Variants in FIG4 observed in about 807,000 individuals in gnomAD.
FIG4 encodes polyphosphoinositide phosphatase.
A neutral mutation model predicts 118.6 loss-of-function variants in FIG4; 112 were observed. That is an observed-to-expected ratio of 0.94 (90% CI 0.81 to 1.11). The LOEUF is 1.11. Ranked by LOEUF, FIG4 falls within the 50% of genes least tolerant of loss-of-function variation. The probability of loss-of-function intolerance (pLI) is 0.00; values close to 1 mark genes in which losing one functional copy is unlikely to be tolerated. For missense variants in FIG4, 969 were observed against 1,111.7 expected, an observed-to-expected ratio of 0.87 and a Z score of 1.83; for synonymous variants, 369 against 381.2, an observed-to-expected ratio of 0.97 and a Z score of 0.37.
At chr6:109,809,861 A>G (rs540716392) in intron 22 of FIG4, among the ~76,000 whole-genome samples, 1 of 152,318 alleles carries the variant, frequency 6.6e-6, no homozygotes, top group East Asian at 1.9e-4. Flanking sequence ...AAGATTGCAG[A>G]TGGGCAAGCT....
intron 10 of FIG4, among the ~76,000 whole-genome samples, chr6:109,749,417 T>C (rs1776616916): frequency 6.6e-6 from 1 of 152,022 alleles, no homozygotes; most frequent in African/African-American, 2.4e-5. Context: ...ATTTAAAATA[T>C]GAAAACTTTA....
At position 109,789,653 on chromosome 6, in the gene FIG4, A is replaced by C; in HGVS notation, c.2156A>C (p.Asp719Ala). 6.2e-7 allele frequency: 1 copy of C among 1,613,200 alleles called. No individual in the cohort carries two copies. Among genetic ancestry groups the C allele is most frequent in the Non-Finnish European group, 8.5e-7 (1 of 1,179,234 alleles). ...AGTCCATTTACTGTGCGTAAACCAG[A>C]TGAAACTGGAAAATCAGTATTGGGG... ...DPSPFTVRKP[D>A]ETGKSVLGNK... The change falls in exon 19 of 23, where the codon GAT becomes GCT. Residue 719 changes from aspartate (D) to alanine (A), a missense_variant. This residue lies in a region of FIG4 where 330 missense variants were observed against 348.1 expected (regional missense o/e 0.95). Coordinates refer to ENST00000230124, the MANE Select transcript of FIG4 (RefSeq NM_014845.6).
intron 4 of FIG4, among the ~76,000 whole-genome samples, chr6:109,731,435 C>T (rs905043055): frequency 2.6e-5 from 4 of 152,034 alleles, no homozygotes; most frequent in African/African-American, 9.7e-5. Context: ...TAGGAAGAAC[C>T]TAATGGTCTA....
At chr6:109,806,787 G>C (rs6935696) in intron 22 of FIG4, among the ~76,000 whole-genome samples, 13,853 of 151,406 alleles carry the variant, frequency 0.091, 1,376 homozygotes, top group African/African-American at 0.25. Context: ...TCCCCAACCC[G>C]CAACAGGCCC....
chr6:109,707,702 C>A (rs1048506502), intron 1 of FIG4, among the ~76,000 whole-genome samples: 1 of 151,786 alleles, frequency 6.6e-6, no homozygotes, highest in Admixed American at 6.6e-5. Context: ...CCTTTAATAT[C>A]GAAAGACTTG....
At position 109,791,415 on chromosome 6, in the gene FIG4, A is replaced by G. The variant is rs1220987577; in HGVS notation, c.2220A>G (p.Lys740=). 6.2e-7 allele frequency: 1 copy of G among 1,613,590 alleles called. No individual in the cohort carries two copies. Among genetic ancestry groups the G allele is most frequent in the South Asian group, 1.1e-5 (1 of 91,088 alleles). ...GAGAAGAAGCTGTATTACAGCGGAA[A>G]ACGGCAGCCAGCGCCCCGCCGCCCC... ...SNREEAVLQR[K]TAASAPPPPS... is the part of the protein sequence containing the mutation. Residue 740 remains lysine (K), a synonymous_variant, in exon 20 of 23, where the codon AAA becomes AAG. Transcript: ENST00000230124.
chr6:109,716,483 C>A lies in FIG4; in HGVS notation c.204C>A (p.Gly68=). The A allele has an allele frequency of 6.2e-7, 1 of 1,613,690 alleles. No homozygotes were observed. The highest frequency in any genetic ancestry group is 8.5e-7 in the Non-Finnish European group (1 of 1,179,656). The part of the protein sequence containing the change: ...YTQQEVRELL[G]RLDLGNRTKM... ...AACAAGAAGTAAGGGAACTTCTTGG[C>A]CGCTTGGATCTTGGAAATAGAACAA... Residue 68 remains glycine (G), a synonymous_variant, in exon 3 of 23, where the codon GGC becomes GGA. Transcript: ENST00000230124.
At chr6:109,762,443 G>A (rs1406902555) in intron 12 of FIG4, among the ~76,000 whole-genome samples, 1 of 151,492 alleles carries the variant, frequency 6.6e-6, no homozygotes, top group Non-Finnish European at 1.5e-5. Flanking sequence ...TAGAACAAAT[G>A]TTACATAAAA....
chr6:109,751,215 G>A (rs770741122), intron 10 of FIG4, among the ~76,000 whole-genome samples: 12 of 152,168 alleles, frequency 7.9e-5, no homozygotes, highest in Non-Finnish European at 1.0e-4. Context: ...GTGAAGGCTT[G>A]ATCAGGGTGA....
intron 1 of FIG4, among the ~76,000 whole-genome samples, chr6:109,713,724 A>C (rs1775342301): frequency 6.6e-6 from 1 of 152,090 alleles, no homozygotes; most frequent in South Asian, 2.1e-4. Context: ...AGCCTGCGGG[A>C]AGCTGCAGTG....
chr6:109,707,852 AAT>A (rs1468111743), intron 1 of FIG4, among the ~76,000 whole-genome samples: 1 of 152,102 alleles, frequency 6.6e-6, no homozygotes, highest in African/African-American at 2.4e-5. Flanking sequence ...TTTGAAGCGA[AAT>A]ATCTTTATTT....
intron 21 of FIG4, among the ~76,000 whole-genome samples, chr6:109,793,893 A>G (rs1189820371): frequency 2.6e-5 from 4 of 152,146 alleles, no homozygotes; most frequent in Admixed American, 6.5e-5. Flanking sequence ...GCACAGCCAC[A>G]CCCTCCTCAC....
At chr6:109,765,410 T>G (rs1355419409) in intron 14 of FIG4, among the ~76,000 whole-genome samples, 1 of 152,206 alleles carries the variant, frequency 6.6e-6, no homozygotes, top group Non-Finnish European at 1.5e-5. Flanking sequence ...GGGTTCAGTT[T>G]CATTCTTCAG....
At chr6:109,744,477 A>C (rs1776421162) in intron 10 of FIG4, among the ~76,000 whole-genome samples, 1 of 152,028 alleles carries the variant, frequency 6.6e-6, no homozygotes, top group Non-Finnish European at 1.5e-5. Flanking sequence ...TGAGAGTATG[A>C]AAAGCAAGGG....
intron 10 of FIG4, among the ~76,000 whole-genome samples, chr6:109,753,131 C>G (rs1352206920): frequency 6.6e-6 from 1 of 152,082 alleles, no homozygotes; most frequent in Non-Finnish European, 1.5e-5. Flanking sequence ...TCAGATTTGT[C>G]AAAGATCAGA....
intron 3 of FIG4, 117 bp downstream of exon 3, chr6:109,716,685 CTTTGGTTATTTAAAACTTCA>C: frequency 8.0e-7 from 1 of 1,245,716 alleles, no homozygotes; most frequent in Non-Finnish European, 1.2e-6. Flanking sequence ...TTACCTGTAG[CTTTGGTTATTTAAAACTTCA>C]TTATCCATCA....
At chr6:109,735,577 A>G (rs530566795) in intron 6 of FIG4, among the ~76,000 whole-genome samples, 4 of 152,222 alleles carry the variant, frequency 2.6e-5, no homozygotes, top group Non-Finnish European at 4.4e-5. Context: ...AGACTTTTAC[A>G]TGGTGTGCAG....
intron 22 of FIG4, among the ~76,000 whole-genome samples, chr6:109,820,285 A>G (rs914799063): frequency 2.6e-5 from 4 of 152,200 alleles, no homozygotes; most frequent in East Asian, 3.8e-4. Flanking sequence ...CAATAAAAGT[A>G]TATCTGATAA....
chr6:109,742,622 C>A (rs1776359982), intron 8 of FIG4, among the ~76,000 whole-genome samples: 1 of 152,050 alleles, frequency 6.6e-6, no homozygotes, highest in Admixed American at 6.6e-5. Context: ...GTTATTACTG[C>A]CTCTAAAATT....
Sources: gnomAD v4.1 joint callset for allele counts (sites outside exome capture counted in the v4.1 genomes callset) on GRCh38, gnomAD v4.1.1 for gene constraint, gnomAD v4.1.1 regional missense constraint, MANE v1.5 for transcripts, NCBI Gene and HGNC (gene_info 2026-07-23, HGNC 2026-07-21) for gene names.